RBFOX1: variants seen among roughly 807,000 people sequenced by gnomAD.
The protein encoded by RBFOX1 is RNA binding protein fox-1 homolog 1.
In RBFOX1, 8 loss-of-function variants were observed where a neutral mutation model predicts 57.7. The ratio of observed to expected loss-of-function variants is 0.14; its 90% CI spans 0.08 to 0.25. The LOEUF is 0.25. Among genes scored for constraint, RBFOX1 ranks in the 10% least tolerant of loss-of-function variants. The pLI, the probability that RBFOX1 is intolerant of heterozygous loss-of-function variation, is 1.00. For missense variants in RBFOX1, 611 were observed against 548.5 expected (o/e 1.11, Z -1.14); for synonymous variants, 326 against 222.4 (o/e 1.47, Z -4.15).
intron 5 of RBFOX1, among the ~76,000 whole-genome samples, chr16:7,558,353 C>T (rs2089346590): frequency 6.6e-6 from 1 of 151,772 alleles, no homozygotes; most frequent in East Asian, 1.9e-4. Flanking sequence ...GGCTCTGTCT[C>T]AAAATAAGAC....
chr16:6,981,462 G>T (rs1475939287), intron 3 of RBFOX1, among the ~76,000 whole-genome samples: 1 of 152,152 alleles, frequency 6.6e-6, no homozygotes, highest in East Asian at 1.9e-4. Context: ...TCCATGGTGT[G>T]TATAAACCAC....
intron 2 of RBFOX1, among the ~76,000 whole-genome samples, chr16:5,518,245 A>G (rs1306353965): frequency 6.6e-6 from 1 of 152,200 alleles, no homozygotes; most frequent in African/African-American, 2.4e-5. Flanking sequence ...CATAAAGTGC[A>G]TCGTATACTG....
At chr16:5,923,530 CTTTTTTTTTTTTTT>C (rs71404564) in intron 4 of RBFOX1, among the ~76,000 whole-genome samples, 2 of 109,376 alleles carry the variant, frequency 1.8e-5, no homozygotes, top group Non-Finnish European at 3.6e-5. Context: ...CAGAGCCAGG[CTTTTTTTTTTTTTT>C]TTTTTTCTTT....
At chr16:6,764,786 A>T (rs755952195) in intron 3 of RBFOX1, among the ~76,000 whole-genome samples, 16 of 152,004 alleles carry the variant, frequency 1.1e-4, no homozygotes, top group Non-Finnish European at 1.8e-4. Context: ...AAAATATAAA[A>T]ATTAGCTAGG....
At chr16:7,243,702 A>C (rs905668076) in intron 4 of RBFOX1, among the ~76,000 whole-genome samples, 3 of 151,968 alleles carry the variant, frequency 2.0e-5, no homozygotes, top group African/African-American at 4.8e-5. Context: ...GTGCATCATC[A>C]CATCCAGCTA....
intron 3 of RBFOX1, among the ~76,000 whole-genome samples, chr16:5,789,267 G>T (rs966086158): frequency 1.3e-5 from 2 of 152,126 alleles, no homozygotes; most frequent in African/African-American, 4.8e-5. Flanking sequence ...TATAATTTCT[G>T]AAAACCCAGG....
intron 3 of RBFOX1, among the ~76,000 whole-genome samples, chr16:5,843,621 A>G (rs532729690): frequency 6.6e-6 from 1 of 152,314 alleles, no homozygotes; most frequent in East Asian, 1.9e-4. Flanking sequence ...ACTATTCACA[A>G]TAGCAAACAC....
At chr16:6,615,754 G>A (rs1276729800) in intron 2 of RBFOX1, among the ~76,000 whole-genome samples, 9 of 151,952 alleles carry the variant, frequency 5.9e-5, no homozygotes, top group South Asian at 2.1e-4. Context: ...TATAGCTTCC[G>A]TCTTTTCTCA....
At chr16:6,987,370 C>G (rs1375554887) in intron 3 of RBFOX1, among the ~76,000 whole-genome samples, 1 of 151,830 alleles carries the variant, frequency 6.6e-6, no homozygotes, top group African/African-American at 2.4e-5. Flanking sequence ...CCTAAAATCT[C>G]ATCACTACCA....
At chr16:5,401,117 C>G (rs925703697) in intron 1 of RBFOX1, among the ~76,000 whole-genome samples, 1 of 151,612 alleles carries the variant, frequency 6.6e-6, no homozygotes, top group South Asian at 2.1e-4. Context: ...GTGATTTTTT[C>G]CCTATCAAGT....
At chr16:7,572,292 C>T (rs1275189711) in intron 5 of RBFOX1, among the ~76,000 whole-genome samples, 1 of 152,126 alleles carries the variant, frequency 6.6e-6, no homozygotes, top group African/African-American at 2.4e-5. Context: ...AATGGAGATC[C>T]AGAGACATGA....
intron 4 of RBFOX1, among the ~76,000 whole-genome samples, chr16:7,404,756 T>A (rs2098308635): frequency 6.6e-6 from 1 of 152,170 alleles, no homozygotes; most frequent in African/African-American, 2.4e-5. Flanking sequence ...ATTATCTGAT[T>A]CCTTGTTGTC....
intron 4 of RBFOX1, among the ~76,000 whole-genome samples, chr16:7,387,980 C>G (rs773178402): frequency 1.3e-5 from 2 of 151,718 alleles, no homozygotes; most frequent in African/African-American, 4.8e-5. Context: ...TCTTGTTCAG[C>G]TATTGTGGGG....
chr16:6,741,063 C>A (rs1161697755), intron 3 of RBFOX1, among the ~76,000 whole-genome samples: 2 of 152,004 alleles, frequency 1.3e-5, no homozygotes, highest in Non-Finnish European at 2.9e-5. Flanking sequence ...TGAAATAGCC[C>A]CAGACAACAT....
intron 4 of RBFOX1, among the ~76,000 whole-genome samples, chr16:7,450,696 C>T (rs2098845271): frequency 6.6e-6 from 1 of 152,106 alleles, no homozygotes; most frequent in Non-Finnish European, 1.5e-5. Flanking sequence ...ATCTATTAAT[C>T]ACCTACTGGG....
At chr16:6,816,797 T>G (rs2090180823) in intron 3 of RBFOX1, among the ~76,000 whole-genome samples, 1 of 151,670 alleles carries the variant, frequency 6.6e-6, no homozygotes, top group South Asian at 2.1e-4. Context: ...CAGGTTGGAC[T>G]GCAGTGATGC....
chr16:7,537,753 C>T (rs1395581), intron 5 of RBFOX1, among the ~76,000 whole-genome samples: 77,688 of 152,020 alleles, frequency 0.51, 24,022 homozygotes, highest in Non-Finnish European at 0.71. Flanking sequence ...ACGCAGGAGC[C>T]AGAGACTAAG....
intron 4 of RBFOX1, among the ~76,000 whole-genome samples, chr16:5,885,721 C>T (rs181036760): frequency 2.0e-5 from 3 of 152,246 alleles, no homozygotes; most frequent in East Asian, 1.9e-4. Context: ...GCTTTCTCAT[C>T]GAGTTTAGAG....
intron 4 of RBFOX1, among the ~76,000 whole-genome samples, chr16:7,382,729 A>C (rs921221157): frequency 6.6e-6 from 1 of 152,252 alleles, no homozygotes; most frequent in Non-Finnish European, 1.5e-5. Flanking sequence ...ACATCCCGCT[A>C]TTTGTATGTA....
Sources: allele counts gnomAD v4.1 joint callset (sites outside exome capture counted in the v4.1 genomes callset), GRCh38; gene constraint gnomAD v4.1.1; transcripts MANE v1.5; gene names NCBI Gene and HGNC (gene_info 2026-07-23, HGNC 2026-07-21).